The following LIG1 variants were observed in gnomAD, a reference collection of about 807,000 sequenced individuals.
LIG1 encodes ligase I, DNA, ATP-dependent.
In LIG1, 70 loss-of-function variants were observed where a neutral mutation model predicts 115.7. That is an observed-to-expected ratio of 0.60 (90% CI 0.50 to 0.74). The LOEUF (loss-of-function observed/expected upper bound fraction) is 0.74. Ranked by LOEUF, LIG1 falls within the 30% of genes least tolerant of loss-of-function variation. The pLI is 0.00. For missense variants in LIG1, 1,115 were observed against 1,225.6 expected, an observed-to-expected ratio of 0.91 and a Z score of 1.35; for synonymous variants, 487 against 495.3, an observed-to-expected ratio of 0.98 and a Z score of 0.22.
In LIG1 at chr19:48,122,011, G is replaced by A. The variant is rs2122366009; in HGVS notation, c.2233-689C>T. The stretch of plus-strand genomic sequence containing the variant: ...TGCCAGGCAGAAGCTCAGCCCTGGG[G>A]GCACAACAGTGCTATTTCCTGAGAC... On this transcript the variant is annotated intron_variant, in intron 23 of 27. Transcript: ENST00000263274. This position sits in a 1 kb window ranked among gnomAD's most constrained non-coding sequence, Gnocchi z 4.3. 6.6e-6 allele frequency among the ~76,000 whole-genome samples: 1 copy of A among 152,286 alleles called. No homozygotes were observed. The highest frequency in any genetic ancestry group is 1.5e-5 in the Non-Finnish European group (1 of 68,032).
At position 48,149,840 on chromosome 19, in the gene LIG1, G is replaced by A. The variant is rs762404875; in HGVS notation, c.699C>T (p.Thr233=). The change falls in exon 9 of 28, where the codon ACC becomes ACT. Residue 233 remains threonine, a splice_region_variant and synonymous_variant. Coordinates refer to ENST00000263274, the MANE Select transcript of LIG1 (RefSeq NM_000234.3). ...RAPKTLSSFF[T]PRKPAVKKEV... ...CTTTTTTGACTGCTGGCTTCCGGGG[G>A]GCTAGGAATGAAGACAGAAAACAGT... The A allele has an allele frequency of 2.5e-6, 4 of 1,613,612 alleles. No individual in the cohort carries two copies. The highest frequency in any genetic ancestry group is 4.5e-5 in the East Asian group (2 of 44,890).
At chr19:48,121,063 C>G in intron 24 of LIG1, 107 bp downstream of exon 24, 1 of 1,595,546 alleles carries the variant, frequency 6.3e-7, no homozygotes, top group Non-Finnish European at 8.5e-7. Flanking sequence ...GGATCCTTCA[C>G]AGGGGGATGT....
intron 19 of LIG1, among the ~76,000 whole-genome samples, chr19:48,130,562 G>A (rs1212219812): frequency 6.6e-6 from 1 of 152,190 alleles, no homozygotes; most frequent in South Asian, 2.1e-4. Context: ...CCTGGCTGGA[G>A]AGGCTGCAGA....
At chr19:48,158,068 C>T (rs1328107669) in intron 4 of LIG1, among the ~76,000 whole-genome samples, 1 of 152,172 alleles carries the variant, frequency 6.6e-6, no homozygotes, top group Non-Finnish European at 1.5e-5. Flanking sequence ...CACACCTGCT[C>T]CTCCTTCACC....
chr19:48,161,232 C>T, intron 4 of LIG1, 140 bp downstream of exon 4: 1 of 1,262,564 alleles, frequency 7.9e-7, no homozygotes, highest in Non-Finnish European at 1.1e-6. Context: ...TTGTGTCTGC[C>T]CCCGACACAA....
chr19:48,148,896 G>C (rs1425246093), intron 9 of LIG1, among the ~76,000 whole-genome samples: 1 of 152,210 alleles, frequency 6.6e-6, no homozygotes, highest in African/African-American at 2.4e-5. Context: ...GGCTGGGGCA[G>C]GGCGGCCGGC....
chr19:48,150,190 T>G lies in LIG1; in HGVS notation c.595A>C (p.Ser199Arg), dbSNP rs773822904. 1.2e-6 allele frequency: 2 copies of G among 1,614,062 alleles called. No individual in the cohort carries two copies. Among genetic ancestry groups the G allele is most frequent in the African/African-American group, 2.7e-5 (2 of 74,926 alleles). The stretch of plus-strand genomic sequence containing the variant: ...GTGGCCACCTCAGGCTCTGAAACGC[T>G]TTCCGTCGGGGTCTCTGCTTCTGCG... ...KTSKAETPTE[S>R]VSEPEVATKQ... The change falls in exon 8 of 28, where the codon AGC becomes CGC. Residue 199 changes from serine (S) to arginine (R), a missense_variant. Transcript: ENST00000263274.
Position 48,165,788 on chromosome 19 carries a change from G to A in LIG1, c.-57-165C>T, listed in dbSNP as rs145364159. On this transcript the variant is annotated intron_variant, in intron 1 of 27. Coordinates refer to ENST00000263274, the MANE Select transcript of LIG1 (RefSeq NM_000234.3). ...ATGAACCAAAATAATTTGCTGGTGA[G>A]ATTTACTGGTGCAGAATAAAAGCTC... is the stretch of plus-strand genomic sequence containing the variant. 2.7e-3 allele frequency: 1,769 copies of A among 655,382 alleles called. 8 individuals carry two copies. The highest frequency in any genetic ancestry group is 4.7e-3 in the Admixed American group (180 of 38,376). The allele number at this position is 655,382 out of a possible 1,614,324, so 40.6% of individuals were successfully genotyped here.
At chr19:48,138,094 A>G (rs2034513659) in intron 12 of LIG1, among the ~76,000 whole-genome samples, 1 of 152,148 alleles carries the variant, frequency 6.6e-6, no homozygotes, top group African/African-American at 2.4e-5. Context: ...GGCAGTGACC[A>G]AAGACCCTTC....
rs1052170889 is a variant in LIG1 at position 48,170,269 on chromosome 19, G to C, written c.-86C>G. Reference sequence around the variant, plus strand: ...GCGTTGGTCCCGCGCGCCGCTGCCCGGGCAACACACTCAGATCCGCCAGGC... The same window carrying C: ...GCGTTGGTCCCGCGCGCCGCTGCCCCGGCAACACACTCAGATCCGCCAGGC... On this transcript the variant is annotated 5_prime_UTR_variant, in exon 1 of 28. Transcript: ENST00000263274. The C allele has an allele frequency of 2.2e-6, 1 of 455,208 alleles. No individual in the cohort carries two copies. Among genetic ancestry groups the C allele is most frequent in the Admixed American group, 2.4e-5 (1 of 42,524 alleles). The allele number at this position is 455,208 out of a possible 1,614,324, so 28.2% of individuals were successfully genotyped here.
At position 48,127,306 on chromosome 19, in the gene LIG1, C is replaced by A. The variant is rs767878829; in HGVS notation, c.1975G>T (p.Ala659Ser). Residue 659 changes from alanine to serine, a missense_variant, in exon 21 of 28, where the codon GCC (alanine) becomes TCC (serine). Physicochemically the swap from Ala to Ser is moderately conservative, Grantham distance 99. Coordinates refer to ENST00000263274, the MANE Select transcript of LIG1 (RefSeq NM_000234.3). ...CCATTGAGGTAGATGAGGTCGAAGGCGTACAAACACACCTGCACCTGGATC... is the reference window on the plus strand; with the variant it reads ...CCATTGAGGTAGATGAGGTCGAAGGAGTACAAACACACCTGCACCTGGATC... ...SEIQVQVCLY[A>S]FDLIYLNGES... 1 of 1,613,708 alleles carries A rather than the reference C, an allele frequency of 6.2e-7. No individual in the cohort carries two copies. The highest frequency in any genetic ancestry group is 1.1e-5 in the South Asian group (1 of 91,096).
rs2036226738 is a variant in LIG1 at position 48,162,326 on chromosome 19, C to A, written c.43G>T (p.Gly15Cys). Residue 15 changes from glycine (G) to cysteine (C), a missense_variant, in exon 3 of 28, where the codon GGT becomes TGT. By Grantham distance (159) the Gly-to-Cys change is radical. Coordinates refer to ENST00000263274, the MANE Select transcript of LIG1 (RefSeq NM_000234.3). ...TCCTTCTCAGGCTTCTTTGCTTTAC[C>A]CTCTTTCTTGGGGTGGAAAAATGAC... ...IMSFFHPKKE[G>C]KAKKPEKEAS... 6.2e-7 allele frequency: 1 copy of A among 1,613,958 alleles called. No individual in the cohort carries two copies. Among genetic ancestry groups the A allele is most frequent in the East Asian group, 2.2e-5 (1 of 44,870 alleles).
rs1568544676 is a variant in LIG1 at position 48,156,959 on chromosome 19, A to AAAAG, written c.370+51_370+54dup. ...GTCTCAAAAAAAAAAAAAAAAAAAA[A>AAAAG]AAAGAGAAAAAGAAAGGCAGGCGAC... On this transcript the variant is annotated intron_variant, in intron 5 of 27. Coordinates refer to ENST00000263274, the MANE Select transcript of LIG1 (RefSeq NM_000234.3). The AAAAG allele has an allele frequency of 5.9e-6, 8 of 1,349,876 alleles. No individual in the cohort carries two copies. In the East Asian group the frequency reaches 1.2e-4, roughly 20 times the overall value. 83.6% of individuals were successfully genotyped at this position (1,349,876 alleles called of 1,614,324 possible).
At chr19:48,133,954 G>C (rs2034210002) in intron 17 of LIG1, 27 bp downstream of exon 17, 1 of 1,541,308 alleles carries the variant, frequency 6.5e-7, no homozygotes, top group African/African-American at 1.4e-5. Context: ...CTGCTGCCAG[G>C]CTGGTGAGCG....
chr19:48,134,201 C>T, intron 16 of LIG1, 135 bp from the exon 17 acceptor site: 2 of 715,812 alleles, frequency 2.8e-6, no homozygotes, highest in Non-Finnish European at 4.9e-6. Context: ...TGCCAAGCTC[C>T]TCTTGCCACC....
intron 15 of LIG1, 60 bp from the exon 16 acceptor site, chr19:48,135,839 G>T: frequency 6.9e-7 from 1 of 1,450,084 alleles, no homozygotes; most frequent in Non-Finnish European, 9.7e-7. Context: ...ACACCAGGGT[G>T]CAGTGGGTGG....
intron 9 of LIG1, among the ~76,000 whole-genome samples, chr19:48,147,645 T>TA (rs11353435): frequency 1.9e-4 from 28 of 148,900 alleles, no homozygotes; most frequent in Admixed American, 3.4e-4. Context: ...ACCCTGTCTT[T>TA]AAAAAAAAAA....
At chr19:48,161,181 A>G in intron 4 of LIG1, 191 bp downstream of exon 4, 1 of 720,932 alleles carries the variant, frequency 1.4e-6, no homozygotes, top group South Asian at 1.6e-5. Flanking sequence ...GTGGTGAAGG[A>G]GCCCACCCGA....
At chr19:48,150,012 T>G in intron 8 of LIG1, 76 bp downstream of exon 8, 3 of 1,608,330 alleles carry the variant, frequency 1.9e-6, no homozygotes, top group Non-Finnish European at 2.6e-6. Context: ...TCGCAGCATC[T>G]CAGGCCTCTG....
Sources: gnomAD v4.1 joint callset for allele counts (sites outside exome capture counted in the v4.1 genomes callset) on GRCh38, gnomAD v4.1.1 for gene constraint, Gnocchi (gnomAD v3.1) non-coding constraint, MANE v1.5 for transcripts, NCBI Gene and HGNC (gene_info 2026-07-23, HGNC 2026-07-21) for gene names.